SDCBP2: variants seen among roughly 807,000 people sequenced by gnomAD.
SDCBP2 encodes syndecan binding protein 2.
A neutral mutation model predicts 30.7 loss-of-function variants in SDCBP2; 28 were observed. The observed-to-expected ratio is 0.91, with a 90% CI of 0.68 to 1.25. SDCBP2 has a LOEUF of 1.25. Among genes scored for constraint, SDCBP2 ranks in the 50% most tolerant of loss-of-function variants. The pLI, the probability that SDCBP2 is intolerant of heterozygous loss-of-function variation, is 0.00. For missense variants in SDCBP2, 399 were observed against 379.0 expected (o/e 1.05, Z -0.44); for synonymous variants, 166 against 157.3 (o/e 1.06, Z -0.41).
chr20:1,319,454 G>C, intron 3 of SDCBP2, 136 bp downstream of exon 3: 1 of 951,764 alleles, frequency 1.1e-6, no homozygotes, highest in Non-Finnish European at 1.6e-6. Flanking sequence ...GCAACTGGAA[G>C]CCTGGTCCTC....
At chr20:1,327,211 T>C (rs1372196775) in intron 1 of SDCBP2, among the ~76,000 whole-genome samples, 1 of 152,190 alleles carries the variant, frequency 6.6e-6, no homozygotes, top group Non-Finnish European at 1.5e-5. Flanking sequence ...CTTTTTGATA[T>C]AAGCAATAAC....
At chr20:1,328,490 T>G (rs1216179050) in intron 1 of SDCBP2, among the ~76,000 whole-genome samples, 3 of 152,162 alleles carry the variant, frequency 2.0e-5, no homozygotes, top group African/African-American at 7.2e-5. Flanking sequence ...GCTCGTTTTC[T>G]GCCCCATTTT....
Position 1,313,474 on chromosome 20 carries a change from C to CGGGCCCG in SDCBP2, c.243_249dup (p.Gly84ArgfsTer20), listed in dbSNP as rs1340969623. ...CCGGTTACCGGTGCCACCATCTGGC[C>CGGGCCCG]GGGCCCGGGGCCCGAGACCGCTGTC... is the stretch of plus-strand genomic sequence containing the variant. On this transcript the variant is annotated frameshift_variant, in exon 5 of 9. Transcript: ENST00000360779. LOFTEE classifies it high-confidence loss of function. The surrounding 1 kb of genome is among the most constrained non-coding windows in gnomAD (Gnocchi z 5.2). 2.5e-6 allele frequency: 4 copies of CGGGCCCG among 1,595,916 alleles called. No individual in the cohort carries two copies. Among genetic ancestry groups the CGGGCCCG allele is most frequent in the Non-Finnish European group, 3.4e-6 (4 of 1,174,294 alleles).
chr20:1,321,524 G>C lies in SDCBP2; in HGVS notation c.-19-1089C>G, dbSNP rs1238068191. 1 of 153,676 alleles carries C rather than the reference G, an allele frequency of 6.5e-6. No individual in the cohort carries two copies. Among genetic ancestry groups the C allele is most frequent in the African/African-American group, 2.4e-5 (1 of 41,426 alleles). 9.5% of individuals were successfully genotyped at this position (153,676 alleles called of 1,614,324 possible). A position where few individuals can be genotyped will look rare whatever the true frequency, so the allele number is the denominator to read the frequency against. ...TTGTGCAGGTCCCCATCATCTCCCT[G>C]GCCCTCTCCAGGTGCCATAACACCC... On this transcript the variant is annotated intron_variant, in intron 1 of 8. Coordinates refer to ENST00000360779, the MANE Select transcript of SDCBP2 (RefSeq NM_080489.5). This position sits in a 1 kb window ranked among gnomAD's most constrained non-coding sequence, Gnocchi z 5.2.
intron 5 of SDCBP2, 128 bp from the exon 6 acceptor site, chr20:1,312,890 G>T: frequency 9.5e-7 from 1 of 1,054,962 alleles, no homozygotes; most frequent in African/African-American, 1.6e-5. Context: ...GCTCTGCATG[G>T]CAGGCACCAA....
intron 3 of SDCBP2, 48 bp downstream of exon 3, chr20:1,319,542 C>G (rs747657268): frequency 1.3e-6 from 2 of 1,534,512 alleles, no homozygotes; most frequent in Non-Finnish European, 1.8e-6. Flanking sequence ...ATGATCTCTT[C>G]CCTGAAAGGA....
chr20:1,311,805 A>G (rs6078557), intron 7 of SDCBP2, among the ~76,000 whole-genome samples: 112,196 of 152,154 alleles, frequency 0.74, 42,164 homozygotes, highest in East Asian at 0.92. Context: ...AGTGCCATAC[A>G]GAGCAAGGAG....
Position 1,315,879 on chromosome 20 carries a change from C to T in SDCBP2, c.226-2381G>A, listed in dbSNP as rs566818899. Among the ~76,000 whole-genome samples the T allele has an allele frequency of 1.3e-5, 2 of 152,274 alleles. 1 individual carries two copies. Among genetic ancestry groups the T allele is most frequent in the East Asian group, 3.9e-4 (2 of 5,180 alleles). On this transcript the variant is annotated intron_variant, in intron 4 of 8. Coordinates refer to ENST00000360779, the MANE Select transcript of SDCBP2 (RefSeq NM_080489.5). ...TACACAAAGAACTCCCAAAACACTA[C>T]AGACAAGCCCCAGCCTGGCCAACAT...
rs1239107378 is a variant in SDCBP2, at chr20:1,313,514, G to T, written c.226-16C>A. The T allele has an allele frequency of 1.9e-6, 3 of 1,570,466 alleles. No homozygotes were observed. The highest frequency in any genetic ancestry group is 2.6e-6 in the Non-Finnish European group (3 of 1,162,870). ...AGACCGCTGTCTGCAGACACCAGGGGGCAGGGGGTCAGCCCGGCCCGTGGG... is the reference window on the plus strand; with the variant it reads ...AGACCGCTGTCTGCAGACACCAGGGTGCAGGGGGTCAGCCCGGCCCGTGGG... On this transcript the variant is annotated splice_polypyrimidine_tract_variant and intron_variant, in intron 4 of 8. Transcript: ENST00000360779. This position sits in a 1 kb window ranked among gnomAD's most constrained non-coding sequence, Gnocchi z 5.2.
At chr20:1,327,271 C>T (rs1026834685) in intron 1 of SDCBP2, among the ~76,000 whole-genome samples, 1 of 152,198 alleles carries the variant, frequency 6.6e-6, no homozygotes, top group Non-Finnish European at 1.5e-5. Flanking sequence ...GCAGGGCTGA[C>T]AAGGGGACTT....
chr20:1,313,527 C>A lies in SDCBP2; in HGVS notation c.226-29G>T. 6.5e-7 allele frequency: 1 copy of A among 1,549,754 alleles called. No homozygotes were observed. The highest frequency in any genetic ancestry group is 2.3e-5 in the East Asian group (1 of 42,626). On this transcript the variant is annotated intron_variant, in intron 4 of 8. Coordinates refer to ENST00000360779, the MANE Select transcript of SDCBP2 (RefSeq NM_080489.5). The surrounding 1 kb of genome is among the most constrained non-coding windows in gnomAD (Gnocchi z 5.2). ...CAGACACCAGGGGGCAGGGGGTCAG[C>A]CCGGCCCGTGGGGACCCTGTGCCTC...
intron 7 of SDCBP2, among the ~76,000 whole-genome samples, chr20:1,312,125 C>G (rs2088680734): frequency 4.2e-4 from 1 of 2,380 alleles, no homozygotes; most frequent in Non-Finnish European, 0.036. Flanking sequence ...TCTCGTGCTC[C>G]TGGACTTAGT....
At position 1,313,905 on chromosome 20, in the gene SDCBP2, A is replaced by G. The variant is rs1407014605; in HGVS notation, c.226-407T>C. Among the ~76,000 whole-genome samples the G allele has an allele frequency of 1.3e-5, 2 of 152,204 alleles. No homozygotes were observed. Among genetic ancestry groups the G allele is most frequent in the Non-Finnish European group, 2.9e-5 (2 of 68,040 alleles). On this transcript the variant is annotated intron_variant, in intron 4 of 8. Coordinates refer to ENST00000360779, the MANE Select transcript of SDCBP2 (RefSeq NM_080489.5). This position sits in a 1 kb window ranked among gnomAD's most constrained non-coding sequence, Gnocchi z 5.2. ...AAAAATATACAAATTCATGATGCAG[A>G]AAAAGGCAAGGAACTTCACTCTCCC...
rs1351542649 is a variant in SDCBP2, at chr20:1,310,101, T to C, written c.*340A>G. 2 of 237,070 alleles carry C rather than the reference T, an allele frequency of 8.4e-6. No homozygotes were observed. Among genetic ancestry groups the C allele is most frequent in the Non-Finnish European group, 1.6e-5 (2 of 123,132 alleles). The allele number at this position is 237,070 out of a possible 1,614,324, so 14.7% of individuals were successfully genotyped here. A position where few individuals can be genotyped will look rare whatever the true frequency, so the allele number is the denominator to read the frequency against. ...AGAACGTAGCTCTGTTCTCTTAAAA[T>C]GTGTAACTGTTTTCCTGGTAGAGCA... is the stretch of plus-strand genomic sequence containing the variant. On this transcript the variant is annotated 3_prime_UTR_variant, in exon 9 of 9. Transcript: ENST00000360779.
chr20:1,326,572 C>A (rs1568566171), intron 1 of SDCBP2, among the ~76,000 whole-genome samples: 1 of 152,212 alleles, frequency 6.6e-6, no homozygotes, highest in South Asian at 2.1e-4. Flanking sequence ...GTTGTGAACT[C>A]TTTTTCCTCC....
intron 3 of SDCBP2, among the ~76,000 whole-genome samples, chr20:1,318,629 C>T (rs193102400): frequency 6.6e-4 from 101 of 152,294 alleles, no homozygotes; most frequent in African/African-American, 1.7e-3. Flanking sequence ...AGTCCTCATG[C>T]ACCACTTTGC....
At chr20:1,319,441 G>T in intron 3 of SDCBP2, 149 bp downstream of exon 3, 2 of 817,982 alleles carry the variant, frequency 2.4e-6, no homozygotes, top group East Asian at 2.8e-5. Flanking sequence ...TAAGAGGTGG[G>T]TGGCAACTGG....
In SDCBP2 at chr20:1,320,556, G is replaced by A; in HGVS notation, c.-19-121C>T. On this transcript the variant is annotated intron_variant, in intron 1 of 8. Coordinates refer to ENST00000360779, the MANE Select transcript of SDCBP2 (RefSeq NM_080489.5). This position sits in a 1 kb window ranked among gnomAD's most constrained non-coding sequence, Gnocchi z 4.7. ...AATATTCAAACAGAAAGGCAGCAGG[G>A]CACTTAGAATGCCTCCCCGAACTCC... The A allele has an allele frequency of 1.4e-6, 1 of 733,910 alleles. No individual in the cohort carries two copies. 45.5% of individuals were successfully genotyped at this position (733,910 alleles called of 1,614,324 possible).
At chr20:1,318,097 A>T in intron 4 of SDCBP2, 1 of 584,510 alleles carries the variant, frequency 1.7e-6, no homozygotes, top group South Asian at 1.5e-5. Context: ...CTGGTTCTCC[A>T]TCCCCAAGGC....
Sources: gnomAD v4.1 joint callset for allele counts (sites outside exome capture counted in the v4.1 genomes callset) on GRCh38, gnomAD v4.1.1 for gene constraint, Gnocchi (gnomAD v3.1) non-coding constraint, MANE v1.5 for transcripts, NCBI Gene and HGNC (gene_info 2026-07-23, HGNC 2026-07-21) for gene names.